The following PLCE1 variants were observed in gnomAD, a reference collection of about 807,000 sequenced individuals.
PLCE1 encodes the protein 1-phosphatidylinositol 4,5-bisphosphate phosphodiesterase epsilon-1.
In PLCE1, 119 loss-of-function variants were observed where a neutral mutation model predicts 242.8. The observed-to-expected ratio is 0.49, with a 90% CI of 0.42 to 0.57. The LOEUF is 0.57. Among genes scored for constraint, PLCE1 ranks in the 20% least tolerant of loss-of-function variants. The pLI is 0.00. For missense variants in PLCE1, 2,441 were observed against 2,788.8 expected (o/e 0.88, Z 2.81); for synonymous variants, 945 against 1,017.4 (o/e 0.93, Z 1.35).
intron 3 of PLCE1, among the ~76,000 whole-genome samples, chr10:94,152,245 C>T (rs949101188): frequency 1.2e-4 from 18 of 152,170 alleles, no homozygotes; most frequent in Admixed American, 4.6e-4. Flanking sequence ...AATCGTCAAA[C>T]GTAGCTTAAA....
In PLCE1 at chr10:94,279,835, C is replaced by T. The variant is rs762889107; in HGVS notation, c.4719C>T (p.Asn1573=). 37 of 1,612,780 alleles carry T rather than the reference C, an allele frequency of 2.3e-5. No individual in the cohort carries two copies. The highest frequency in any genetic ancestry group is 7.7e-5 in the South Asian group (7 of 91,050). The change falls in exon 20 of 33, where the codon AAC becomes AAT. Residue 1573 remains asparagine (N), a synonymous_variant. Coordinates refer to ENST00000371380, the MANE Select transcript of PLCE1 (RefSeq NM_016341.4). The part of the protein sequence containing the change: ...QVQAYNGGNA[N]PRPANNEEEE... ...AGGCTTATAATGGTGGGAATGCCAA[C>T]CCCCGACCTGCCAATAATGAGGAAG...
intron 2 of PLCE1, chr10:94,105,955 T>C (rs2135548528): frequency 6.6e-6 from 1 of 152,308 alleles, no homozygotes; most frequent in African/African-American, 2.4e-5. Flanking sequence ...ACAACAAACC[T>C]ATAAGGTTGG....
chr10:94,163,122 T>C (rs2047673590), intron 3 of PLCE1, among the ~76,000 whole-genome samples: 1 of 152,214 alleles, frequency 6.6e-6, no homozygotes, highest in South Asian at 2.1e-4. Context: ...CTGAAAAGAA[T>C]GTATATTCTG....
At position 94,040,129 on chromosome 10, in the gene PLCE1, T is replaced by A. The variant is rs570282348; in HGVS notation, c.1206+7877T>A. Among the ~76,000 whole-genome samples the A allele has an allele frequency of 5.9e-5, 9 of 152,150 alleles. No homozygotes were observed. The East Asian group carries it at 1.5e-3, about 26-fold the overall frequency. On this transcript the variant is annotated intron_variant, in intron 2 of 32. Coordinates refer to ENST00000371380, the MANE Select transcript of PLCE1 (RefSeq NM_016341.4). ...AACAACTTTCAAATATGATTAAAAA[T>A]TTTTTTTGTAGCAGCAAGATCTTGC...
chr10:94,139,023 A>G (rs1206100722), intron 3 of PLCE1: 4 of 153,608 alleles, frequency 2.6e-5, no homozygotes, highest in East Asian at 1.9e-4. Context: ...TGGCTCATGC[A>G]TGTAATCCCA....
At chr10:94,111,716 A>G (rs2045961589) in intron 2 of PLCE1, among the ~76,000 whole-genome samples, 1 of 152,230 alleles carries the variant, frequency 6.6e-6, no homozygotes, top group Non-Finnish European at 1.5e-5. Context: ...GATCTCTAGA[A>G]GTGGATCAAA....
chr10:94,071,310 CT>C (rs1215796263), intron 2 of PLCE1, among the ~76,000 whole-genome samples: 5 of 152,108 alleles, frequency 3.3e-5, no homozygotes, highest in Non-Finnish European at 2.9e-5. Flanking sequence ...AGCTCTTCAT[CT>C]TTTTTTCTCC....
intron 4 of PLCE1, among the ~76,000 whole-genome samples, chr10:94,221,468 G>T (rs1425623480): frequency 6.6e-6 from 1 of 152,220 alleles, no homozygotes. Flanking sequence ...CGGGTTCAGT[G>T]GCTCACGCCT....
intron 1 of PLCE1, among the ~76,000 whole-genome samples, chr10:94,007,534 T>C (rs1486698017): frequency 6.6e-6 from 1 of 151,752 alleles, no homozygotes; most frequent in Non-Finnish European, 1.5e-5. Flanking sequence ...AAAAATTATA[T>C]TTTTAATTAC....
intron 5 of PLCE1, among the ~76,000 whole-genome samples, chr10:94,229,908 T>A (rs2050084422): frequency 6.6e-6 from 1 of 152,358 alleles, no homozygotes; most frequent in South Asian, 2.1e-4. Context: ...TGTTGACAGC[T>A]ATTCTGTACA....
At chr10:94,072,337 G>A (rs994301286) in intron 2 of PLCE1, among the ~76,000 whole-genome samples, 1 of 151,530 alleles carries the variant, frequency 6.6e-6, no homozygotes, top group Non-Finnish European at 1.5e-5. Context: ...AGTGCAGTGG[G>A]GCGATCTCAG....
In PLCE1 at chr10:94,179,512, G is replaced by GTTTTTTTTTTTTTT. The variant is rs1554877545; in HGVS notation, c.1809+8021_1809+8034dup. ...TTTATCTTATTTTTATTTTAGTTTA[G>GTTTTTTTTTTTTTT]TTTTTTTTTTTTTTTTTTGACAGGG... On this transcript the variant is annotated intron_variant, in intron 4 of 32. Coordinates refer to ENST00000371380, the MANE Select transcript of PLCE1 (RefSeq NM_016341.4). Among the ~76,000 whole-genome samples, 55 of 19,376 alleles carry GTTTTTTTTTTTTTT rather than the reference G, an allele frequency of 2.8e-3. 6 individuals are homozygous for GTTTTTTTTTTTTTT. The highest frequency in any genetic ancestry group is 7.8e-3 in the African/African-American group (49 of 6,268). The allele number at this position is 19,376 out of a possible 152,430, so 12.7% of individuals were successfully genotyped here.
intron 4 of PLCE1, among the ~76,000 whole-genome samples, chr10:94,200,499 G>C (rs1298278547): frequency 6.6e-6 from 1 of 152,206 alleles, no homozygotes; most frequent in Non-Finnish European, 1.5e-5. Context: ...TTGACTCTAT[G>C]CTGACATGAT....
At chr10:94,275,410 A>G (rs2133195378) in intron 19 of PLCE1, among the ~76,000 whole-genome samples, 1 of 152,328 alleles carries the variant, frequency 6.6e-6, no homozygotes, top group South Asian at 2.1e-4. Flanking sequence ...GAATTCGTCA[A>G]TCTGAAAATG....
intron 2 of PLCE1, chr10:94,105,680 T>A (rs896944728): frequency 2.6e-5 from 4 of 152,184 alleles, no homozygotes; most frequent in African/African-American, 9.7e-5. Flanking sequence ...TCAATAAATA[T>A]GTGTTGAATG....
At chr10:94,129,815 G>A (rs2046541559) in intron 2 of PLCE1, among the ~76,000 whole-genome samples, 1 of 152,182 alleles carries the variant, frequency 6.6e-6, no homozygotes. Context: ...GCCCTCCTCT[G>A]ATGGGTGAAA....
At chr10:94,234,682 GA>G (rs2050258098) in intron 6 of PLCE1, among the ~76,000 whole-genome samples, 1 of 152,118 alleles carries the variant, frequency 6.6e-6, no homozygotes, top group Admixed American at 6.5e-5. Context: ...ATCAGTGGAA[GA>G]AAAAAGAGGG....
At chr10:94,279,709 G>A (rs2052122717) in intron 19 of PLCE1, 73 bp from the exon 20 acceptor site, 2 of 1,502,274 alleles carry the variant, frequency 1.3e-6, no homozygotes, top group Non-Finnish European at 9.3e-7. Context: ...TTAAACATCA[G>A]GGGTAGTTTT....
chr10:94,031,084 C>A lies in PLCE1; in HGVS notation c.38C>A (p.Pro13His). ...GAAATGACAGCTTCTGTTCTCATAC[C>A]TGTGACTCAGAGAAAAGTGGTTTCT... ...SEEMTASVLI[P>H]VTQRKVVSAQ... The change falls in exon 2 of 33, where the codon CCT becomes CAT. Residue 13 changes from proline (P) to histidine (H), a missense_variant. Coordinates refer to ENST00000371380, the MANE Select transcript of PLCE1 (RefSeq NM_016341.4). 1.2e-6 allele frequency: 2 copies of A among 1,613,598 alleles called. No individual in the cohort carries two copies. The highest frequency in any genetic ancestry group is 1.7e-6 in the Non-Finnish European group (2 of 1,179,618).
Sources: gnomAD v4.1 joint callset for allele counts (sites outside exome capture counted in the v4.1 genomes callset) on GRCh38, gnomAD v4.1.1 for gene constraint, MANE v1.5 for transcripts, NCBI Gene and HGNC (gene_info 2026-07-23, HGNC 2026-07-21) for gene names.